EPB41L5: variants seen among roughly 807,000 people sequenced by gnomAD.
The protein encoded by EPB41L5 is erythrocyte membrane protein band 4.1 like 5.
Under a neutral mutation model 106.6 loss-of-function variants are expected in EPB41L5, and 55 were observed. That is an observed-to-expected ratio of 0.52 (90% CI 0.42 to 0.65). The LOEUF (loss-of-function observed/expected upper bound fraction) is 0.65, where lower values mean the gene tolerates loss of function less well. Ranked by LOEUF, EPB41L5 falls within the 30% of genes least tolerant of loss-of-function variation. EPB41L5 has a pLI of 0.00. For missense variants in EPB41L5, 871 were observed against 882.1 expected (o/e 0.99, Z 0.16); for synonymous variants, 297 against 306.7 (o/e 0.97, Z 0.33).
intron 1 of EPB41L5, among the ~76,000 whole-genome samples, chr2:120,018,604 AT>A (rs888299172): frequency 8.7e-5 from 13 of 149,582 alleles, no homozygotes; most frequent in South Asian, 4.3e-4. Context: ...AGTTTTAATG[AT>A]TTTTTTTTTC....
In EPB41L5 at chr2:120,081,439, G is replaced by A. The variant is rs556026743; in HGVS notation, c.803+2858G>A. ...GTTGTAGATGTGTGGTATTATTTCC[G>A]AGGGCTCTGTTCTGTTCCATTGGTC... is the stretch of plus-strand genomic sequence containing the variant. On this transcript the variant is annotated intron_variant, in intron 10 of 24. Transcript: ENST00000263713. Among the ~76,000 whole-genome samples the A allele has an allele frequency of 5.9e-5, 9 of 152,236 alleles. No individual in the cohort carries two copies. The South Asian group carries it at 1.2e-3, about 21-fold the overall frequency.
chr2:120,171,602 A>C (rs1052780519), intron 24 of EPB41L5, among the ~76,000 whole-genome samples: 2 of 152,236 alleles, frequency 1.3e-5, no homozygotes, highest in Non-Finnish European at 2.9e-5. Context: ...CTGTTAGCTA[A>C]GTATAAATGT....
chr2:120,090,272 G>A, intron 11 of EPB41L5, 75 bp from the exon 12 acceptor site: 1 of 1,240,858 alleles, frequency 8.1e-7, no homozygotes, highest in Non-Finnish European at 1.1e-6. Flanking sequence ...TCATGGATGT[G>A]TTTGTATCTC....
chr2:120,119,173 T>C (rs1685091847), intron 16 of EPB41L5, among the ~76,000 whole-genome samples: 1 of 152,186 alleles, frequency 6.6e-6, no homozygotes, highest in African/African-American at 2.4e-5. Context: ...CACTTTTTAA[T>C]GTGCTTTTTT....
intron 23 of EPB41L5, 96 bp from the exon 24 acceptor site, chr2:120,167,781 A>C: frequency 7.1e-7 from 1 of 1,403,022 alleles, no homozygotes; most frequent in Non-Finnish European, 1.0e-6. Flanking sequence ...CATCTTCGTT[A>C]ATCTCATAGT....
chr2:120,130,413 C>G (rs1448631952), intron 17 of EPB41L5, among the ~76,000 whole-genome samples: 1 of 152,160 alleles, frequency 6.6e-6, no homozygotes, highest in Non-Finnish European at 1.5e-5. Context: ...ATGTCAAAAT[C>G]CTGATTCACA....
intron 1 of EPB41L5, among the ~76,000 whole-genome samples, chr2:120,017,301 A>G (rs1167834149): frequency 1.3e-5 from 2 of 152,048 alleles, no homozygotes; most frequent in Non-Finnish European, 2.9e-5. Flanking sequence ...TGTATCCCCT[A>G]CCTCTTATTA....
chr2:120,079,050 A>G (rs1682450192), intron 10 of EPB41L5, among the ~76,000 whole-genome samples: 1 of 152,102 alleles, frequency 6.6e-6, no homozygotes, highest in African/African-American at 2.4e-5. Flanking sequence ...TACATCAAGG[A>G]TAGATTTTAC....
intron 20 of EPB41L5, among the ~76,000 whole-genome samples, chr2:120,154,283 C>T (rs1686808808): frequency 2.6e-5 from 4 of 151,986 alleles, no homozygotes; most frequent in Admixed American, 2.0e-4. Flanking sequence ...CTCAGCCTCC[C>T]GAGTAGTTGA....
At chr2:120,060,813 G>A (rs1680986891) in intron 3 of EPB41L5, among the ~76,000 whole-genome samples, 1 of 152,028 alleles carries the variant, frequency 6.6e-6, no homozygotes, top group Non-Finnish European at 1.5e-5. Context: ...TGTAAGCATT[G>A]GCAGAAGTGT....
At chr2:120,044,136 T>C (rs1281866051) in intron 3 of EPB41L5, among the ~76,000 whole-genome samples, 1 of 147,228 alleles carries the variant, frequency 6.8e-6, no homozygotes, top group Non-Finnish European at 1.5e-5. Flanking sequence ...CAAGACCCTG[T>C]CTCTTAAAAA....
At chr2:120,148,785 C>G (rs1686528209) in intron 20 of EPB41L5, among the ~76,000 whole-genome samples, 1 of 152,114 alleles carries the variant, frequency 6.6e-6, no homozygotes, top group Admixed American at 6.5e-5. Flanking sequence ...TGTTTCCACT[C>G]TTTAGCTATT....
intron 2 of EPB41L5, among the ~76,000 whole-genome samples, chr2:120,025,098 A>G (rs1189709614): frequency 2.0e-5 from 3 of 152,214 alleles, no homozygotes; most frequent in African/African-American, 7.2e-5. Context: ...CCTCTGGTAG[A>G]ATTCGGCTGT....
intron 18 of EPB41L5, among the ~76,000 whole-genome samples, chr2:120,136,465 A>G (rs558434474): frequency 4.4e-4 from 67 of 150,874 alleles, no homozygotes; most frequent in African/African-American, 1.6e-3. Flanking sequence ...GAGTGGCTAC[A>G]TGGATTAAAA....
At chr2:120,078,655 AC>A (rs1381505021) in intron 10 of EPB41L5, 74 bp downstream of exon 10, 1 of 970,146 alleles carries the variant, frequency 1.0e-6, no homozygotes, top group East Asian at 2.6e-5. Flanking sequence ...TAATACATAA[AC>A]AAGTTTGGAA....
intron 3 of EPB41L5, among the ~76,000 whole-genome samples, chr2:120,072,930 A>T (rs910949291): frequency 1.9e-4 from 3 of 16,014 alleles, no homozygotes; most frequent in African/African-American, 3.0e-4. Context: ...TAAAGTATTT[A>T]AAAAAAAAAA....
chr2:120,050,620 G>A (rs558293358), intron 3 of EPB41L5, among the ~76,000 whole-genome samples: 116 of 152,196 alleles, frequency 7.6e-4, no homozygotes, highest in African/African-American at 2.8e-3. Flanking sequence ...CCTTTAGCTC[G>A]GAGAAGTTTG....
intron 3 of EPB41L5, among the ~76,000 whole-genome samples, chr2:120,068,555 GCGGTTTTCCCCTCA>G (rs1681618191): frequency 6.6e-6 from 1 of 152,200 alleles, no homozygotes; most frequent in Admixed American, 6.5e-5. Flanking sequence ...GCTTGAGTAG[GCGGTTTTCCCCTCA>G]CAGTATAAAC....
At chr2:120,105,172 G>C (rs761991685) in intron 16 of EPB41L5, 1 of 979,160 alleles carries the variant, frequency 1.0e-6, no homozygotes, top group Non-Finnish European at 1.2e-6. Flanking sequence ...AGAATTTCAA[G>C]CTCCTTGGTT....
Sources: allele counts gnomAD v4.1 joint callset (sites outside exome capture counted in the v4.1 genomes callset), GRCh38; gene constraint gnomAD v4.1.1; transcripts MANE v1.5; gene names NCBI Gene and HGNC (gene_info 2026-07-23, HGNC 2026-07-21).